Variants in PREP observed in about 807,000 individuals in gnomAD.
PREP encodes the protein dJ355L5.1 (prolyl endopeptidase).
PREP carries 29 observed loss-of-function variants against 87.6 expected under a neutral mutation model. The observed-to-expected ratio is 0.33, with a 90% confidence interval of 0.25 to 0.45. PREP has a LOEUF of 0.45. PREP is among the 20% of genes least tolerant of loss of function. The probability of loss-of-function intolerance (pLI) is 1.00; values close to 1 mark genes in which losing one functional copy is unlikely to be tolerated. For missense variants in PREP, 695 were observed against 886.5 expected, an observed-to-expected ratio of 0.78 and a Z score of 2.74; for synonymous variants, 337 against 328.6, an observed-to-expected ratio of 1.03 and a Z score of -0.28.
intron 10 of PREP, among the ~76,000 whole-genome samples, chr6:105,289,248 AG>A (rs1212946446): frequency 6.6e-6 from 1 of 152,184 alleles, no homozygotes; most frequent in African/African-American, 2.4e-5. Flanking sequence ...CACAGAAAAC[AG>A]GCTTTCCATT....
chr6:105,370,765 C>T (rs1772516903), intron 5 of PREP, among the ~76,000 whole-genome samples: 1 of 152,136 alleles, frequency 6.6e-6, no homozygotes. Context: ...AAAAGCCAAT[C>T]TGAAAAGGCT....
intron 7 of PREP, among the ~76,000 whole-genome samples, chr6:105,337,062 C>G (rs1453535420): frequency 6.6e-6 from 1 of 152,048 alleles, no homozygotes; most frequent in Non-Finnish European, 1.5e-5. Flanking sequence ...TCCTTCCAAG[C>G]TTCTTGTTTA....
At position 105,367,937 on chromosome 6, in the gene PREP, G is replaced by C. The variant is rs117417355; in HGVS notation, c.717+966C>G. ...CAGGCAGCAGGCCAGATCCAGCCCAGTGGCAGCAGTTTTTTTTACTAACCC... is the reference window on the plus strand; with the variant it reads ...CAGGCAGCAGGCCAGATCCAGCCCACTGGCAGCAGTTTTTTTTACTAACCC... On this transcript the variant is annotated intron_variant, in intron 6 of 14. Transcript: ENST00000652536. Among the ~76,000 whole-genome samples the C allele has an allele frequency of 3.5e-3, 500 of 143,646 alleles. 23 individuals carry two copies. In the East Asian group the frequency reaches 0.086, roughly 25 times the overall value. The allele number at this position is 143,646 out of a possible 152,430, so 94.2% of individuals were successfully genotyped here. A position where few individuals can be genotyped will look rare whatever the true frequency, so the allele number is the denominator to read the frequency against.
At chr6:105,357,368 A>C (rs1772126809) in intron 6 of PREP, among the ~76,000 whole-genome samples, 1 of 152,202 alleles carries the variant, frequency 6.6e-6, no homozygotes, top group Non-Finnish European at 1.5e-5. Context: ...CAGCTGTCTC[A>C]AGCACATCTA....
At chr6:105,305,728 C>T (rs1770640566) in intron 10 of PREP, among the ~76,000 whole-genome samples, 1 of 152,124 alleles carries the variant, frequency 6.6e-6, no homozygotes, top group Non-Finnish European at 1.5e-5. Flanking sequence ...TTTTTGACAG[C>T]CCAGACATGC....
chr6:105,363,743 T>G (rs1772310864), intron 6 of PREP, among the ~76,000 whole-genome samples: 1 of 152,088 alleles, frequency 6.6e-6, no homozygotes, highest in South Asian at 2.1e-4. Flanking sequence ...CAGCTGGCCT[T>G]GAGACATCTT....
chr6:105,352,974 G>A lies in PREP; in HGVS notation c.821C>T (p.Ala274Val), dbSNP rs201202923. Residue 274 changes from alanine (A) to valine (V), a missense_variant and splice_region_variant, in exon 7 of 15, where the codon GCG (alanine) becomes GTG (valine). Ala to Val is a moderately conservative substitution (Grantham distance 64). Around this residue, in one of 5 missense-constraint regions of PREP, gnomAD observed 517 missense variants for 620.3 expected, o/e 0.83. Coordinates refer to ENST00000652536, the MANE Select transcript of PREP (RefSeq NM_002726.5). Reference protein sequence around the residue: ...CDLQQESSGIAGILKWVKLID... With the variant: ...CDLQQESSGIVGILKWVKLID... ...CTGTGTCTGAAAAAATAACTCACCC[G>A]CGATGCCACTGGATTCCTGCTGTAG... 87 of 1,610,544 alleles carry A rather than the reference G, an allele frequency of 5.4e-5. No individual in the cohort carries two copies. The highest frequency in any genetic ancestry group is 1.8e-4 in the Admixed American group (11 of 59,924).
At chr6:105,373,274 C>A in intron 5 of PREP, 95 bp downstream of exon 5, 2 of 1,366,218 alleles carry the variant, frequency 1.5e-6, no homozygotes, top group Non-Finnish European at 2.1e-6. Context: ...TTCTGGACCA[C>A]ACAACCTCTA....
rs1769872857 is a variant in PREP at position 105,273,700 on chromosome 6, C to T, written c.*4444G>A. ...CTAGGCTCTCCTGCTGTCAGTTTCC[C>T]ACAGTGTTGTCGGCTTTCATCTCTC... On this transcript the variant is annotated 3_prime_UTR_variant, in exon 15 of 15. Coordinates refer to ENST00000652536, the MANE Select transcript of PREP (RefSeq NM_002726.5). The T allele has an allele frequency of 6.6e-6, 1 of 152,320 alleles. No homozygotes were observed. The highest frequency in any genetic ancestry group is 2.4e-5 in the African/African-American group (1 of 41,446). The allele number at this position is 152,320 out of a possible 1,614,324, so 9.4% of individuals were successfully genotyped here. A position where few individuals can be genotyped will look rare whatever the true frequency, so the allele number is the denominator to read the frequency against.
chr6:105,356,324 A>T (rs1772099887), intron 6 of PREP, among the ~76,000 whole-genome samples: 1 of 152,196 alleles, frequency 6.6e-6, no homozygotes, highest in South Asian at 2.1e-4. Context: ...GGTGTTCACA[A>T]AGTCTTTCCC....
At chr6:105,337,064 T>A (rs897776383) in intron 7 of PREP, among the ~76,000 whole-genome samples, 3 of 152,152 alleles carry the variant, frequency 2.0e-5, no homozygotes, top group African/African-American at 4.8e-5. Flanking sequence ...CTTCCAAGCT[T>A]CTTGTTTATT....
At chr6:105,317,488 T>C (rs778700577) in intron 10 of PREP, among the ~76,000 whole-genome samples, 6 of 152,170 alleles carry the variant, frequency 3.9e-5, no homozygotes, top group African/African-American at 7.2e-5. Context: ...GTACGTGCAA[T>C]TGGAAGGCAT....
At chr6:105,377,030 G>A (rs1772703437) in intron 3 of PREP, among the ~76,000 whole-genome samples, 1 of 152,170 alleles carries the variant, frequency 6.6e-6, no homozygotes. Context: ...GAAAAACACA[G>A]AATTAAATGT....
intron 6 of PREP, among the ~76,000 whole-genome samples, chr6:105,356,553 G>A (rs1772104342): frequency 6.6e-6 from 1 of 152,202 alleles, no homozygotes; most frequent in African/African-American, 2.4e-5. Context: ...GCAAATTCCA[G>A]TGGCTTCAGT....
At chr6:105,354,577 C>T (rs769029246) in intron 6 of PREP, among the ~76,000 whole-genome samples, 16 of 151,134 alleles carry the variant, frequency 1.1e-4, no homozygotes, top group Admixed American at 4.6e-4. Context: ...TAGAGTAAAG[C>T]GGACCACCCT....
At chr6:105,323,592 C>T (rs1378979940) in intron 10 of PREP, 73 bp downstream of exon 10, 2 of 1,312,648 alleles carry the variant, frequency 1.5e-6, no homozygotes, top group African/African-American at 1.5e-5. Context: ...TTCTGATAAG[C>T]TACAGTGTGA....
intron 10 of PREP, among the ~76,000 whole-genome samples, chr6:105,301,159 A>G (rs1480859703): frequency 1.3e-5 from 2 of 152,268 alleles, no homozygotes; most frequent in African/African-American, 4.8e-5. Flanking sequence ...GGTAGGCTGC[A>G]AAGGGCAGCC....
In PREP at chr6:105,387,750, C is replaced by T. The variant is rs537216241; in HGVS notation, c.120+10103G>A. 2.6e-5 allele frequency among the ~76,000 whole-genome samples: 4 copies of T among 152,260 alleles called. No homozygotes were observed. The South Asian group carries it at 6.2e-4, about 24-fold the overall frequency. On this transcript the variant is annotated intron_variant, in intron 2 of 14. Transcript: ENST00000652536. Reference sequence around the variant, plus strand: ...AAAGCCATCCTGGGCCACATGTGGCCGGTGGGCCGCAGGCTAGACAAGCTT... The same window carrying T: ...AAAGCCATCCTGGGCCACATGTGGCTGGTGGGCCGCAGGCTAGACAAGCTT...
chr6:105,297,736 G>A (rs1770438300), intron 10 of PREP, among the ~76,000 whole-genome samples: 1 of 152,188 alleles, frequency 6.6e-6, no homozygotes, highest in Admixed American at 6.5e-5. Context: ...ATCATGTGAG[G>A]CACACAGAGC....
Sources: allele counts gnomAD v4.1 joint callset (sites outside exome capture counted in the v4.1 genomes callset), GRCh38; gene constraint gnomAD v4.1.1; regional missense constraint gnomAD v4.1.1; transcripts MANE v1.5; gene names NCBI Gene and HGNC (gene_info 2026-07-23, HGNC 2026-07-21).